Variants in LRBA observed in about 807,000 individuals in gnomAD.
LRBA encodes the protein lipopolysaccharide-responsive and beige-like anchor protein.
A neutral mutation model predicts 330.0 loss-of-function variants in LRBA; 176 were observed. The observed-to-expected ratio is 0.53, with a 90% CI of 0.47 to 0.60. The LOEUF (loss-of-function observed/expected upper bound fraction) is 0.60. LRBA is among the 20% of genes least tolerant of loss of function. The pLI, the probability that LRBA is intolerant of heterozygous loss-of-function variation, is 0.00. For synonymous variants in LRBA, 1,230 were observed against 1,193.0 expected, an observed-to-expected ratio of 1.03 and a Z score of -0.64; for missense variants, 3,259 against 3,444.8, an observed-to-expected ratio of 0.95 and a Z score of 1.35.
intron 53 of LRBA, among the ~76,000 whole-genome samples, chr4:150,297,232 A>G (rs765345983): frequency 2.6e-5 from 4 of 152,162 alleles, no homozygotes; most frequent in African/African-American, 4.8e-5. Flanking sequence ...ATATATTGGC[A>G]TATCACCCCA....
intron 44 of LRBA, among the ~76,000 whole-genome samples, chr4:150,455,193 C>G (rs894200655): frequency 3.5e-5 from 5 of 141,204 alleles, no homozygotes; most frequent in Non-Finnish European, 7.5e-5. Context: ...TCTCATTGTT[C>G]AATTCCCACC....
intron 37 of LRBA, among the ~76,000 whole-genome samples, chr4:150,654,878 C>A (rs939947068): frequency 2.6e-5 from 4 of 152,002 alleles, no homozygotes; most frequent in Non-Finnish European, 4.4e-5. Context: ...TTAACTCATC[C>A]TTTTTTATGG....
chr4:150,666,014 T>A (rs72736378), intron 37 of LRBA, among the ~76,000 whole-genome samples: 1 of 152,118 alleles, frequency 6.6e-6, no homozygotes, highest in Non-Finnish European at 1.5e-5. Context: ...TTCTAGATAA[T>A]GTAAGCTTAT....
intron 37 of LRBA, among the ~76,000 whole-genome samples, chr4:150,652,667 A>AT (rs1024739986): frequency 4.6e-5 from 7 of 152,226 alleles, no homozygotes; most frequent in Non-Finnish European, 1.0e-4. Context: ...CAATATAAAA[A>AT]TAAAATATTT....
chr4:150,667,541 G>A (rs1001967248), intron 37 of LRBA, among the ~76,000 whole-genome samples: 1 of 152,178 alleles, frequency 6.6e-6, no homozygotes, highest in Non-Finnish European at 1.5e-5. Flanking sequence ...GCAATTGATT[G>A]AATGTTTGTG....
At chr4:150,815,050 T>C (rs1235677888) in intron 31 of LRBA, among the ~76,000 whole-genome samples, 2 of 151,950 alleles carry the variant, frequency 1.3e-5, no homozygotes, top group Non-Finnish European at 1.5e-5. Context: ...AGGGTCCTAT[T>C]TCCTCTGTTC....
At chr4:150,482,632 T>C (rs1202674088) in intron 42 of LRBA, among the ~76,000 whole-genome samples, 1 of 152,110 alleles carries the variant, frequency 6.6e-6, no homozygotes, top group Non-Finnish European at 1.5e-5. Flanking sequence ...AAAGAAGTCG[T>C]ACCACTTTAC....
intron 40 of LRBA, among the ~76,000 whole-genome samples, chr4:150,511,879 C>T (rs937463068): frequency 1.6e-4 from 25 of 152,340 alleles, no homozygotes; most frequent in African/African-American, 6.0e-4. Flanking sequence ...CCACAGAGAA[C>T]TTCTCATCCT....
intron 47 of LRBA, among the ~76,000 whole-genome samples, chr4:150,371,125 T>C (rs1047382392): frequency 4.0e-5 from 6 of 151,148 alleles, no homozygotes; most frequent in African/African-American, 1.5e-4. Context: ...TCAATATTAA[T>C]ATATAATCTA....
Position 150,599,069 on chromosome 4 carries a change from A to G in LRBA, c.5984T>C (p.Phe1995Ser). ...WEDDLRRRRR[F>S]VRNPLGSTHP... ...TGTCGATCCTAGAGGGTTACGCACA[A>G]ATCGTCGCCGGCGCCGCAAGTCATC... is the stretch of plus-strand genomic sequence containing the variant. Residue 1995 changes from phenylalanine (F) to serine (S), a missense_variant, in exon 38 of 57, where the codon TTT becomes TCT. By Grantham distance (155) the Phe-to-Ser change is radical. Coordinates refer to ENST00000651943, the MANE Select transcript of LRBA (RefSeq NM_001364905.1). 1 of 1,614,126 alleles carries G rather than the reference A, an allele frequency of 6.2e-7. No homozygotes were observed.
rs138310857 is a variant in LRBA at position 150,329,678 on chromosome 4, C to T, written c.7363-3780G>A. On this transcript the variant is annotated intron_variant, in intron 48 of 56. Coordinates refer to ENST00000651943, the MANE Select transcript of LRBA (RefSeq NM_001364905.1). Reference sequence around the variant, plus strand: ...AGTCCTATGACCAGAGGATTGCCCACTCCCATGAAGTTTGCCCTGGCCATC... The same window carrying T: ...AGTCCTATGACCAGAGGATTGCCCATTCCCATGAAGTTTGCCCTGGCCATC... Among the ~76,000 whole-genome samples, 15 of 152,336 alleles carry T rather than the reference C, an allele frequency of 9.8e-5. No homozygotes were observed. The East Asian group carries it at 2.9e-3, about 29-fold the overall frequency.
intron 44 of LRBA, among the ~76,000 whole-genome samples, chr4:150,457,868 C>A (rs1174375964): frequency 1.3e-5 from 2 of 151,900 alleles, no homozygotes; most frequent in Non-Finnish European, 2.9e-5. Flanking sequence ...TAAAACAATT[C>A]ATTTATAAAT....
intron 52 of LRBA, among the ~76,000 whole-genome samples, chr4:150,305,070 A>G (rs543593191): frequency 1.2e-4 from 19 of 152,322 alleles, no homozygotes; most frequent in Non-Finnish European, 2.8e-4. Flanking sequence ...AAACCCAACA[A>G]TCAGTGGGTT....
At chr4:150,306,901 G>A (rs1263721480) in intron 52 of LRBA, among the ~76,000 whole-genome samples, 2 of 151,862 alleles carry the variant, frequency 1.3e-5, no homozygotes, top group Admixed American at 1.3e-4. Flanking sequence ...ACATTTCAAC[G>A]AATTACATAA....
At chr4:150,422,945 T>A in intron 46 of LRBA, 1 of 786,442 alleles carries the variant, frequency 1.3e-6, no homozygotes, top group Non-Finnish European at 2.3e-6. Flanking sequence ...ACTTCATTCT[T>A]AATGACGTTC....
intron 37 of LRBA, among the ~76,000 whole-genome samples, chr4:150,667,451 T>C (rs1781664182): frequency 6.6e-6 from 1 of 152,084 alleles, no homozygotes; most frequent in South Asian, 2.1e-4. Flanking sequence ...GTTTTGAAGA[T>C]GGAGGAAGAA....
intron 37 of LRBA, among the ~76,000 whole-genome samples, chr4:150,613,993 G>A (rs998845589): frequency 6.6e-6 from 1 of 152,176 alleles, no homozygotes; most frequent in African/African-American, 2.4e-5. Flanking sequence ...AACTACCAGA[G>A]TCTTTAGTTT....
At chr4:151,000,316 T>C (rs1743190813) in intron 2 of LRBA, among the ~76,000 whole-genome samples, 1 of 152,180 alleles carries the variant, frequency 6.6e-6, no homozygotes, top group African/African-American at 2.4e-5. Flanking sequence ...TAATTCACAA[T>C]TACATGGATA....
intron 2 of LRBA, among the ~76,000 whole-genome samples, chr4:150,964,547 A>G (rs997727030): frequency 3.3e-5 from 5 of 151,116 alleles, no homozygotes; most frequent in Non-Finnish European, 7.3e-5. Context: ...TCTCTGAAAC[A>G]TGTGCTGTGT....
Sources: allele counts gnomAD v4.1 joint callset (sites outside exome capture counted in the v4.1 genomes callset), GRCh38; gene constraint gnomAD v4.1.1; transcripts MANE v1.5; gene names NCBI Gene and HGNC (gene_info 2026-07-23, HGNC 2026-07-21).